Variants in FAT3 observed in about 807,000 individuals in gnomAD.
FAT3 encodes the protein FAT atypical cadherin 3, also known as protocadherin Fat 3.
Under a neutral mutation model 310.2 loss-of-function variants are expected in FAT3, and 95 were observed. The ratio of observed to expected loss-of-function variants is 0.31; its 90% confidence interval spans 0.26 to 0.36. The LOEUF (loss-of-function observed/expected upper bound fraction) is 0.36, where lower values mean the gene tolerates loss of function less well. FAT3 is among the 10% of genes least tolerant of loss of function. The pLI is 1.00. For missense variants in FAT3, 5,408 were observed against 5,715.6 expected (o/e 0.95, Z 1.74); for synonymous variants, 2,314 against 2,192.9 (o/e 1.06, Z -1.54).
chr11:92,702,266 A>G (rs1008450847), intron 4 of FAT3, among the ~76,000 whole-genome samples: 2 of 152,190 alleles, frequency 1.3e-5, no homozygotes, highest in Non-Finnish European at 2.9e-5. Flanking sequence ...TTTGGCACTC[A>G]GGAAACAAGG....
chr11:92,859,709 T>A (rs781279519), intron 21 of FAT3, among the ~76,000 whole-genome samples: 1 of 152,198 alleles, frequency 6.6e-6, no homozygotes, highest in Non-Finnish European at 1.5e-5. Flanking sequence ...TGAAGGCAAT[T>A]TCTGTTCTTG....
At chr11:92,509,991 A>G (rs1565371971) in intron 2 of FAT3, among the ~76,000 whole-genome samples, 1 of 152,122 alleles carries the variant, frequency 6.6e-6, no homozygotes, top group Non-Finnish European at 1.5e-5. Flanking sequence ...CAAAAGATTC[A>G]TCTATCTTCT....
Position 92,799,011 on chromosome 11 carries a change from A to G in FAT3, c.5998A>G (p.Lys2000Glu), listed in dbSNP as rs545292243. 5 of 1,613,914 alleles carry G rather than the reference A, an allele frequency of 3.1e-6. No individual in the cohort carries two copies. In the African/African-American group the frequency reaches 6.7e-5, roughly 22 times the overall value. The change falls in exon 10 of 28, where the codon AAA (lysine) becomes GAA (glutamate). Residue 2000 changes from lysine to glutamate, a missense_variant. Lys to Glu is a moderately conservative substitution (Grantham distance 56). Coordinates refer to ENST00000525166, the MANE Select transcript of FAT3 (RefSeq NM_001367949.2). ...SISENNTNIT[K>E]VAIVNAVGNR... ...CTCAGAGAACAACACTAACATAACC[A>G]AAGTTGCTATTGTCAATGCAGTTGG...
At chr11:92,239,964 C>T (rs978522028) in intron 1 of FAT3, among the ~76,000 whole-genome samples, 1 of 152,046 alleles carries the variant, frequency 6.6e-6, no homozygotes, top group African/African-American at 2.4e-5. Context: ...GAAGTAGATT[C>T]ATAATGTCTG....
intron 1 of FAT3, among the ~76,000 whole-genome samples, chr11:92,331,003 TGAGAGA>T (rs67328951): frequency 0.06 from 8,039 of 133,338 alleles, 225 homozygotes; most frequent in African/African-American, 0.076. Flanking sequence ...TGTGTGTGTG[TGAGAGA>T]GAGAGAGAGA....
At chr11:92,514,973 G>T (rs934251901) in intron 2 of FAT3, among the ~76,000 whole-genome samples, 3 of 152,108 alleles carry the variant, frequency 2.0e-5, no homozygotes, top group Admixed American at 2.0e-4. Flanking sequence ...ACAGAGTCTG[G>T]GTTCTGGGTC....
chr11:92,342,684 C>T (rs1948295181), intron 1 of FAT3, among the ~76,000 whole-genome samples: 1 of 152,044 alleles, frequency 6.6e-6, no homozygotes, highest in Non-Finnish European at 1.5e-5. Flanking sequence ...AGCTGTTTTT[C>T]CAGAGTAAGT....
At chr11:92,348,922 A>T (rs888612787) in intron 1 of FAT3, among the ~76,000 whole-genome samples, 1 of 152,066 alleles carries the variant, frequency 6.6e-6, no homozygotes, top group African/African-American at 2.4e-5. Flanking sequence ...TGTTCAACAA[A>T]CCAGTGTTGT....
intron 2 of FAT3, among the ~76,000 whole-genome samples, chr11:92,404,417 G>T (rs1950093294): frequency 6.6e-6 from 1 of 151,850 alleles, no homozygotes. Context: ...GGAATCCCAA[G>T]TAAACTACCC....
intron 13 of FAT3, among the ~76,000 whole-genome samples, chr11:92,817,717 C>T (rs553866456): frequency 6.6e-6 from 1 of 152,318 alleles, no homozygotes; most frequent in African/African-American, 2.4e-5. Context: ...GACAGCATAG[C>T]TGCCTATGAA....
At chr11:92,827,690 T>C (rs1248383876) in intron 13 of FAT3, among the ~76,000 whole-genome samples, 1 of 152,220 alleles carries the variant, frequency 6.6e-6, no homozygotes, top group East Asian at 1.9e-4. Context: ...AGGCAGAATA[T>C]AGATGTCTTT....
intron 3 of FAT3, among the ~76,000 whole-genome samples, chr11:92,582,859 G>C (rs1316351140): frequency 1.3e-5 from 2 of 152,034 alleles, no homozygotes; most frequent in Non-Finnish European, 1.5e-5. Flanking sequence ...TCTTAATGTA[G>C]GGATGGAACT....
chr11:92,362,932 T>A (rs1053758196), intron 2 of FAT3, among the ~76,000 whole-genome samples: 1 of 152,176 alleles, frequency 6.6e-6, no homozygotes, highest in Admixed American at 6.5e-5. Context: ...GGTAAGAAAG[T>A]GAAACCAGAG....
chr11:92,280,503 AT>A (rs1330817701), intron 1 of FAT3, among the ~76,000 whole-genome samples: 1 of 152,142 alleles, frequency 6.6e-6, no homozygotes, highest in African/African-American at 2.4e-5. Flanking sequence ...GCTTAAGGTA[AT>A]TTTTTCTTTG....
chr11:92,444,227 T>G (rs1052506468), intron 2 of FAT3, among the ~76,000 whole-genome samples: 1 of 152,146 alleles, frequency 6.6e-6, no homozygotes, highest in Non-Finnish European at 1.5e-5. Context: ...CATTTCCAGT[T>G]TTCCCTTCCA....
intron 1 of FAT3, among the ~76,000 whole-genome samples, chr11:92,282,662 A>ACG (rs1946460034): frequency 6.7e-6 from 1 of 148,600 alleles, no homozygotes; most frequent in African/African-American, 2.6e-5. Flanking sequence ...AAAAATAAAA[A>ACG]AAAAAAAAAA....
intron 1 of FAT3, among the ~76,000 whole-genome samples, chr11:92,280,857 G>A (rs2608772): frequency 0.6 from 90,642 of 151,932 alleles, 27,307 homozygotes; most frequent in African/African-American, 0.66. Context: ...ACAATTTCTT[G>A]TGTCAACCCT....
At chr11:92,845,831 G>T (rs1381357445) in intron 19 of FAT3, among the ~76,000 whole-genome samples, 1 of 152,116 alleles carries the variant, frequency 6.6e-6, no homozygotes, top group Admixed American at 6.5e-5. Flanking sequence ...TTGCAGTTTG[G>T]AGAATGAGCT....
chr11:92,593,586 A>C (rs1476568424), intron 3 of FAT3, among the ~76,000 whole-genome samples: 1 of 152,068 alleles, frequency 6.6e-6, no homozygotes, highest in East Asian at 1.9e-4. Flanking sequence ...CTGGTCAATA[A>C]TTATCCATGG....
Sources: gnomAD v4.1 joint callset for allele counts (sites outside exome capture counted in the v4.1 genomes callset) on GRCh38, gnomAD v4.1.1 for gene constraint, MANE v1.5 for transcripts, NCBI Gene and HGNC (gene_info 2026-07-23, HGNC 2026-07-21) for gene names.